Variants in MUC4 observed in about 807,000 individuals in gnomAD.
MUC4 encodes the protein mucin-4.
MUC4 carries 202 observed loss-of-function variants against 257.9 expected under a neutral mutation model. The ratio of observed to expected loss-of-function variants is 0.78; its 90% CI spans 0.70 to 0.88. The LOEUF (loss-of-function observed/expected upper bound fraction) is 0.88, where lower values mean the gene tolerates loss of function less well. MUC4 is among the 40% of genes least tolerant of loss of function. The probability of loss-of-function intolerance (pLI) is 0.00; values close to 1 mark genes in which losing one functional copy is unlikely to be tolerated. For synonymous variants in MUC4, 2,351 were observed against 2,757.1 expected (o/e 0.85, Z 4.62); for missense variants, 5,976 against 6,513.7 (o/e 0.92, Z 2.84).
intron 4 of MUC4, among the ~76,000 whole-genome samples, chr3:195,772,565 G>A (rs1578121207): frequency 7.7e-6 from 1 of 130,112 alleles, no homozygotes; most frequent in Admixed American, 7.8e-5. Flanking sequence ...TCTCTCCACC[G>A]CTCAGGGGTG....
Position 195,782,525 on chromosome 3 carries a change from T to A in MUC4, c.9055A>T (p.Thr3019Ser). The A allele has an allele frequency of 1.3e-6, 2 of 1,485,808 alleles. No individual in the cohort carries two copies. Among genetic ancestry groups the A allele is most frequent in the South Asian group, 1.2e-5 (1 of 81,862 alleles). 92.0% of individuals were successfully genotyped at this position (1,485,808 alleles called of 1,614,324 possible). A position where few individuals can be genotyped will look rare whatever the true frequency, so the allele number is the denominator to read the frequency against. Residue 3019 changes from threonine to serine, a missense_variant, in exon 2 of 25, where the codon ACA (threonine) becomes TCA (serine). Thr to Ser is a moderately conservative substitution (Grantham distance 58). Transcript: ENST00000463781. ...LPVTDTSSIS[T>S]GHATPLHVTS... ...ACATGAAGAGGGGTGGCGTGACCTG[T>A]GGATATTGAGGAAGTGTCGGTGACA...
Position 195,757,461 on chromosome 3 carries a change from C to A in MUC4, c.14987-133G>T. On this transcript the variant is annotated intron_variant, in intron 17 of 24. Coordinates refer to ENST00000463781, the MANE Select transcript of MUC4 (RefSeq NM_018406.7). This position sits in a 1 kb window ranked among gnomAD's most constrained non-coding sequence, Gnocchi z 4.8. Reference sequence around the variant, plus strand: ...CCCAGACAAATCTCATTGGTCATTTCCTTTGAGCAAGGCTGGTATCGGGGG... The same window carrying A: ...CCCAGACAAATCTCATTGGTCATTTACTTTGAGCAAGGCTGGTATCGGGGG... The A allele has an allele frequency of 2.4e-6, 2 of 848,974 alleles. No individual in the cohort carries two copies. Among genetic ancestry groups the A allele is most frequent in the Non-Finnish European group, 3.6e-6 (2 of 555,364 alleles). The allele number at this position is 848,974 out of a possible 1,614,324, so 52.6% of individuals were successfully genotyped here. A position where few individuals can be genotyped will look rare whatever the true frequency, so the allele number is the denominator to read the frequency against.
chr3:195,774,105 G>A (rs924940068), intron 4 of MUC4, 67 bp downstream of exon 4: 19 of 1,494,584 alleles, frequency 1.3e-5, no homozygotes, highest in African/African-American at 7.2e-5. Context: ...TCTGGGTTCC[G>A]TCTCGAAGCA....
chr3:195,762,818 G>A (rs1293493782), intron 13 of MUC4, 37 bp downstream of exon 13: 55 of 1,497,114 alleles, frequency 3.7e-5, no homozygotes, highest in Non-Finnish European at 4.8e-5. Context: ...CGCTGCTCCC[G>A]GTGCGGGGAG....
rs376864964 is a variant in MUC4 at position 195,786,527 on chromosome 3, C to G, written c.5053G>C (p.Gly1685Arg). Residue 1685 changes from glycine to arginine, a missense_variant, in exon 2 of 25, where the codon GGC becomes CGC. Coordinates refer to ENST00000463781, the MANE Select transcript of MUC4 (RefSeq NM_018406.7). ...TGHATPLPVT[G>R]LSSATTDDTT... is the part of the protein sequence containing the mutation. Reference sequence around the variant, plus strand: ...TCATCTGTGGTAGCTGAGGAAAGGCCGGTGACAGGAAGAGGGGTGGCGTGA... The same window carrying G: ...TCATCTGTGGTAGCTGAGGAAAGGCGGGTGACAGGAAGAGGGGTGGCGTGA... The G allele has an allele frequency of 8.0e-6, 10 of 1,249,236 alleles. No individual in the cohort carries two copies. Among genetic ancestry groups the G allele is most frequent in the Non-Finnish European group, 1.1e-5 (10 of 948,666 alleles). The allele number at this position is 1,249,236 out of a possible 1,614,324, so 77.4% of individuals were successfully genotyped here.
chr3:195,767,556 T>TCACCATC (rs1560261676), intron 7 of MUC4, among the ~76,000 whole-genome samples: 1 of 22,400 alleles, frequency 4.5e-5, no homozygotes, highest in Non-Finnish European at 7.4e-5. Flanking sequence ...CCATCACCAT[T>TCACCATC]ACCATTGCCA....
At chr3:195,777,998 C>T (rs1004637172) in intron 3 of MUC4, among the ~76,000 whole-genome samples, 9 of 152,230 alleles carry the variant, frequency 5.9e-5, no homozygotes, top group South Asian at 2.1e-4. Flanking sequence ...CCTCCATCCC[C>T]GGCTCTGCAT....
Position 195,790,727 on chromosome 3 carries a change from C to T in MUC4, c.853G>A (p.Val285Ile), listed in dbSNP as rs1340622092. The change falls in exon 2 of 25, where the codon GTT becomes ATT. Residue 285 changes from valine (V) to isoleucine (I), a missense_variant. Transcript: ENST00000463781. ...GNPGETSSVP[V>I]TGSLMPVTSA... ...GTGACTGGCATAAGACTTCCAGTAACAGGTACTGATGATGTCTCCCCTGGG... is the reference window on the plus strand; with the variant it reads ...GTGACTGGCATAAGACTTCCAGTAATAGGTACTGATGATGTCTCCCCTGGG... 8 of 1,613,986 alleles carry T rather than the reference C, an allele frequency of 5.0e-6. No individual in the cohort carries two copies. The South Asian group carries it at 7.7e-5, about 16-fold the overall frequency.
At chr3:195,752,548 C>CAGA (rs1159348554) in intron 20 of MUC4, 102 bp from the exon 21 acceptor site, 1 of 989,926 alleles carries the variant, frequency 1.0e-6, no homozygotes, top group Non-Finnish European at 1.6e-6. Flanking sequence ...ATTCCAGTGA[C>CAGA]AGAAGGTCAC....
At chr3:195,796,592 G>A (rs528106364) in intron 1 of MUC4, among the ~76,000 whole-genome samples, 3 of 152,166 alleles carry the variant, frequency 2.0e-5, no homozygotes, top group Non-Finnish European at 4.4e-5. Flanking sequence ...TCTGGAGGCT[G>A]AGGCAGGAGA....
chr3:195,795,345 G>A (rs1033997008), intron 1 of MUC4, among the ~76,000 whole-genome samples: 4 of 151,994 alleles, frequency 2.6e-5, no homozygotes, highest in Non-Finnish European at 4.4e-5. Context: ...TGACAGCACC[G>A]TCCTTTTTTT....
intron 1 of MUC4, among the ~76,000 whole-genome samples, chr3:195,804,603 C>A (rs1273634696): frequency 2.0e-5 from 3 of 152,244 alleles, no homozygotes; most frequent in Non-Finnish European, 4.4e-5. Context: ...CAGTGTTTCA[C>A]TTTCCTGGAG....
At position 195,791,237 on chromosome 3, in the gene MUC4, G is replaced by T. The variant is rs865971176; in HGVS notation, c.343C>A (p.Pro115Thr). Reference protein sequence around the residue: ...PSVHNVMETAPPDEMTTSFPS... With the variant: ...PSVHNVMETATPDEMTTSFPS... Reference sequence around the variant, plus strand: ...AATGATGTGGTCATTTCATCTGGAGGAGCTGTCTCCATCACATTGTGTACA... The same window carrying T: ...AATGATGTGGTCATTTCATCTGGAGTAGCTGTCTCCATCACATTGTGTACA... The change falls in exon 2 of 25, where the codon CCT (proline) becomes ACT (threonine). Residue 115 changes from proline to threonine, a missense_variant. By Grantham distance (38) the Pro-to-Thr change is conservative (BLOSUM62 -1). This residue lies in a region of MUC4 where 1,583 missense variants were observed against 1,257.4 expected (regional missense o/e 1.26). Coordinates refer to ENST00000463781, the MANE Select transcript of MUC4 (RefSeq NM_018406.7). 2.5e-6 allele frequency: 1 copy of T among 402,936 alleles called. No individual in the cohort carries two copies. Among genetic ancestry groups the T allele is most frequent in the Non-Finnish European group, 4.0e-6 (1 of 250,210 alleles). 25.0% of individuals were successfully genotyped at this position (402,936 alleles called of 1,614,324 possible). A position where few individuals can be genotyped will look rare whatever the true frequency, so the allele number is the denominator to read the frequency against.
Position 195,788,776 on chromosome 3 carries a change from A to C in MUC4, c.2804T>G (p.Val935Gly). The C allele has an allele frequency of 6.2e-7, 1 of 1,613,736 alleles. No homozygotes were observed. Among genetic ancestry groups the C allele is most frequent in the African/African-American group, 1.3e-5 (1 of 74,956 alleles). Residue 935 changes from valine (V) to glycine (G), a missense_variant, in exon 2 of 25, where the codon GTC becomes GGC. Coordinates refer to ENST00000463781, the MANE Select transcript of MUC4 (RefSeq NM_018406.7). ...ASQATDTFST[V>G]PPTPPSITST... ...TGTGATCGATGGAGGTGTGGGTGGG[A>C]CTGTTGAGAAGGTGTCGGTTGCCTG...
chr3:195,761,639 TG>T, intron 14 of MUC4, 54 bp from the exon 15 acceptor site: 1 of 1,383,962 alleles, frequency 7.2e-7, no homozygotes, highest in Admixed American at 1.7e-5. Flanking sequence ...GTCCCCTTCC[TG>T]GGGAGCATCC....
intron 1 of MUC4, among the ~76,000 whole-genome samples, chr3:195,811,139 TATTTTATA>T (rs1736661686): frequency 6.7e-6 from 1 of 148,342 alleles, no homozygotes; most frequent in African/African-American, 2.5e-5. Flanking sequence ...TTTTTTATTT[TATTTTATA>T]TTTATTTATT....
chr3:195,768,350 A>G (rs1722075415), intron 7 of MUC4, among the ~76,000 whole-genome samples: 2 of 152,198 alleles, frequency 1.3e-5, no homozygotes, highest in Admixed American at 1.3e-4. Flanking sequence ...GGGAACAGAG[A>G]TGGCGCACTG....
chr3:195,759,026 G>T, intron 17 of MUC4, 98 bp downstream of exon 17: 1 of 1,419,992 alleles, frequency 7.0e-7, no homozygotes, highest in Non-Finnish European at 9.6e-7. Flanking sequence ...GTGACAGCAA[G>T]TGTTGCTGGG....
At chr3:195,797,187 T>C (rs1734680376) in intron 1 of MUC4, among the ~76,000 whole-genome samples, 1 of 152,032 alleles carries the variant, frequency 6.6e-6, no homozygotes, top group African/African-American at 2.4e-5. Context: ...GAGAATTGCT[T>C]GAACCCAGGA....
Sources: allele counts gnomAD v4.1 joint callset (sites outside exome capture counted in the v4.1 genomes callset), GRCh38; gene constraint gnomAD v4.1.1; regional missense constraint gnomAD v4.1.1; non-coding constraint Gnocchi (gnomAD v3.1); transcripts MANE v1.5; gene names NCBI Gene and HGNC (gene_info 2026-07-23, HGNC 2026-07-21).